The following WWOX variants were observed in gnomAD, a reference collection of about 807,000 sequenced individuals.
WWOX encodes the protein WW domain containing oxidoreductase.
A neutral mutation model predicts 46.2 loss-of-function variants in WWOX; 69 were observed. The ratio of observed to expected loss-of-function variants is 1.49; its 90% CI spans 1.23 to 1.82. The LOEUF (loss-of-function observed/expected upper bound fraction) is 1.82, where lower values mean the gene tolerates loss of function less well. WWOX is among the 40% of genes most tolerant of loss of function. WWOX has a pLI of 0.00. For synonymous variants in WWOX, 359 were observed against 202.6 expected (o/e 1.77, Z -6.56); for missense variants, 919 against 542.6 (o/e 1.69, Z -6.89).
At chr16:78,833,376 G>C (rs1050782447) in intron 8 of WWOX, among the ~76,000 whole-genome samples, 2 of 151,918 alleles carry the variant, frequency 1.3e-5, no homozygotes, top group African/African-American at 4.8e-5. Context: ...CATACAGCTT[G>C]TTTCTCTAAT....
chr16:78,623,549 G>A (rs191721148), intron 8 of WWOX, among the ~76,000 whole-genome samples: 49 of 152,022 alleles, frequency 3.2e-4, no homozygotes, highest in African/African-American at 6.3e-4. Context: ...GCATGGTGGC[G>A]CATGCTTGTA....
intron 8 of WWOX, among the ~76,000 whole-genome samples, chr16:78,798,138 G>A (rs899782623): frequency 1.3e-5 from 2 of 152,188 alleles, no homozygotes; most frequent in Non-Finnish European, 2.9e-5. Context: ...AAAGGACAGA[G>A]CTTGGACCAG....
At chr16:78,396,411 T>C (rs1298044666) in intron 6 of WWOX, among the ~76,000 whole-genome samples, 1 of 152,154 alleles carries the variant, frequency 6.6e-6, no homozygotes, top group African/African-American at 2.4e-5. Flanking sequence ...AAAATAAACA[T>C]TTTTGATTTC....
chr16:78,635,418 A>C lies in WWOX; in HGVS notation c.1056+202666A>C, dbSNP rs929352102. Reference sequence around the variant, plus strand: ...ATCTGGGAGGAACTAGGGGAGCGCTAATGTGTTGTCCTTGACTGGGCAAGA... The same window carrying C: ...ATCTGGGAGGAACTAGGGGAGCGCTCATGTGTTGTCCTTGACTGGGCAAGA... On this transcript the variant is annotated intron_variant, in intron 8 of 8. Transcript: ENST00000566780. 2.6e-4 allele frequency among the ~76,000 whole-genome samples: 39 copies of C among 152,042 alleles called. 1 individual carries two copies. Among genetic ancestry groups the C allele is most frequent in the African/African-American group, 9.2e-4 (38 of 41,384 alleles).
At chr16:78,778,774 C>G (rs1174282146) in intron 8 of WWOX, among the ~76,000 whole-genome samples, 1 of 152,144 alleles carries the variant, frequency 6.6e-6, no homozygotes, top group African/African-American at 2.4e-5. Context: ...ACCGCCGTCC[C>G]CAACCCTGAG....
At chr16:78,535,178 A>G (rs2043728925) in intron 8 of WWOX, 1 of 152,140 alleles carries the variant, frequency 6.6e-6, no homozygotes, top group African/African-American at 2.4e-5. Flanking sequence ...TACTCTTCGA[A>G]CAGAGGCTGC....
chr16:79,047,564 G>C (rs1249287601), intron 8 of WWOX, among the ~76,000 whole-genome samples: 1 of 151,882 alleles, frequency 6.6e-6, no homozygotes, highest in Non-Finnish European at 1.5e-5. Flanking sequence ...AGTGTCCTGT[G>C]GCTGCTGTAA....
intron 8 of WWOX, among the ~76,000 whole-genome samples, chr16:78,680,429 G>T (rs1266329468): frequency 6.6e-6 from 1 of 151,938 alleles, no homozygotes; most frequent in Non-Finnish European, 1.5e-5. Flanking sequence ...AGCTACTCGG[G>T]AGGCTGAGGT....
At chr16:78,852,439 G>A (rs1278970276) in intron 8 of WWOX, among the ~76,000 whole-genome samples, 2 of 152,158 alleles carry the variant, frequency 1.3e-5, no homozygotes, top group South Asian at 2.1e-4. Flanking sequence ...GGGGAGATCC[G>A]CATAGCAAGG....
chr16:78,789,032 G>A (rs543594270), intron 8 of WWOX, among the ~76,000 whole-genome samples: 2 of 152,124 alleles, frequency 1.3e-5, no homozygotes, highest in South Asian at 4.1e-4. Context: ...TTATTCTTTT[G>A]ATATCATCTC....
intron 8 of WWOX, among the ~76,000 whole-genome samples, chr16:78,563,197 A>T (rs954884949): frequency 6.6e-6 from 1 of 152,256 alleles, no homozygotes; most frequent in African/African-American, 2.4e-5. Context: ...AAAATAAATC[A>T]TAATTTATAT....
At chr16:78,924,133 C>G (rs1406671787) in intron 8 of WWOX, among the ~76,000 whole-genome samples, 1 of 151,988 alleles carries the variant, frequency 6.6e-6, no homozygotes, top group Non-Finnish European at 1.5e-5. Flanking sequence ...AACTATTAAT[C>G]CATAGACAAG....
At chr16:78,790,341 G>C (rs962134332) in intron 8 of WWOX, among the ~76,000 whole-genome samples, 7 of 151,952 alleles carry the variant, frequency 4.6e-5, no homozygotes, top group Non-Finnish European at 8.8e-5. Context: ...CATCATGTTG[G>C]CCAGGCTGCT....
chr16:78,170,854 GATTT>G (rs145250863), intron 5 of WWOX, among the ~76,000 whole-genome samples: 9,846 of 152,298 alleles, frequency 0.065, 387 homozygotes, highest in Non-Finnish European at 0.093. Flanking sequence ...AAAAATAAAA[GATTT>G]ATTAGCCAGA....
At chr16:78,568,347 C>G (rs1401686947) in intron 8 of WWOX, among the ~76,000 whole-genome samples, 1 of 151,970 alleles carries the variant, frequency 6.6e-6, no homozygotes, top group African/African-American at 2.4e-5. Context: ...AAAAATCCAC[C>G]CAGTGCAAGA....
At chr16:78,817,362 C>G (rs978109516) in intron 8 of WWOX, among the ~76,000 whole-genome samples, 39 of 152,064 alleles carry the variant, frequency 2.6e-4, no homozygotes, top group African/African-American at 9.2e-4. Flanking sequence ...AGGCATTTCT[C>G]CTATTCCTAG....
At chr16:78,495,797 T>C (rs1428951340) in intron 8 of WWOX, 1 of 152,234 alleles carries the variant, frequency 6.6e-6, no homozygotes, top group Non-Finnish European at 1.5e-5. Context: ...TGTGGGCCAC[T>C]GTGCCCGGCC....
chr16:78,633,717 G>A (rs888249218), intron 8 of WWOX, among the ~76,000 whole-genome samples: 2 of 152,170 alleles, frequency 1.3e-5, no homozygotes, highest in African/African-American at 4.8e-5. Context: ...GCAAAGTTGG[G>A]CTGGCAGGCC....
intron 4 of WWOX, among the ~76,000 whole-genome samples, chr16:78,139,740 AC>A (rs961259254): frequency 6.6e-6 from 1 of 152,242 alleles, no homozygotes; most frequent in African/African-American, 2.4e-5. Flanking sequence ...CAAAAACAGA[AC>A]CAGAGAAAAA....
Sources: allele counts gnomAD v4.1 joint callset (sites outside exome capture counted in the v4.1 genomes callset), GRCh38; gene constraint gnomAD v4.1.1; transcripts MANE v1.5; gene names NCBI Gene and HGNC (gene_info 2026-07-23, HGNC 2026-07-21).